Variants in AXDND1 observed in about 807,000 individuals in gnomAD.
The protein encoded by AXDND1 is axonemal dynein light chain domain containing 1.
AXDND1 carries 110 observed loss-of-function variants against 137.5 expected under a neutral mutation model. The observed-to-expected ratio is 0.80, with a 90% confidence interval of 0.69 to 0.94. The LOEUF (loss-of-function observed/expected upper bound fraction) is 0.94. Ranked by LOEUF, AXDND1 falls within the 40% of genes least tolerant of loss-of-function variation. AXDND1 has a pLI of 0.00. For synonymous variants in AXDND1, 414 were observed against 399.7 expected (o/e 1.04, Z -0.43); for missense variants, 1,191 against 1,169.8 (o/e 1.02, Z -0.26).
chr1:179,472,042 G>A (rs1048050961), intron 17 of AXDND1, among the ~76,000 whole-genome samples: 2 of 151,952 alleles, frequency 1.3e-5, no homozygotes, highest in Non-Finnish European at 2.9e-5. Context: ...TTACCGGCAT[G>A]TGCCACCACG....
chr1:179,444,901 C>A, intron 15 of AXDND1, 69 bp from the exon 16 acceptor site: 1 of 1,071,186 alleles, frequency 9.3e-7, no homozygotes, highest in Non-Finnish European at 1.4e-6. Context: ...GGGGAATAAG[C>A]ATCTGGTAGA....
intron 3 of AXDND1, 37 bp from the exon 4 acceptor site, chr1:179,369,938 C>T (rs772431046): frequency 7.4e-6 from 11 of 1,486,022 alleles, no homozygotes; most frequent in Admixed American, 3.4e-5. Flanking sequence ...TTAGATCGCC[C>T]TCTGCTGGAT....
At chr1:179,492,796 AG>A in intron 19 of AXDND1, 58 bp from the exon 20 acceptor site, 1 of 1,132,392 alleles carries the variant, frequency 8.8e-7, no homozygotes. Context: ...AGCAATAAAT[AG>A]GTTATGCTGA....
chr1:179,523,602 T>G (rs1670271124), intron 21 of AXDND1, among the ~76,000 whole-genome samples: 1 of 152,208 alleles, frequency 6.6e-6, no homozygotes, highest in Non-Finnish European at 1.5e-5. Flanking sequence ...TTGCCTATTC[T>G]GGACATGTCA....
rs769896060 is a variant in AXDND1, at chr1:179,437,578, C to A, written c.1563+5236C>A. Among the ~76,000 whole-genome samples, 9 of 152,274 alleles carry A rather than the reference C, an allele frequency of 5.9e-5. No individual in the cohort carries two copies. In the South Asian group the frequency reaches 1.5e-3, roughly 25 times the overall value. On this transcript the variant is annotated intron_variant, in intron 15 of 25. Coordinates refer to ENST00000367618, the MANE Select transcript of AXDND1 (RefSeq NM_144696.6). ...GGCCTTTGGCTCCCTACATATCCCC[C>A]TTTCTGTTTATGTATTAATTGAAAG...
rs529330085 is a variant in AXDND1 at position 179,390,965 on chromosome 1, C to A, written c.864-2938C>A. On this transcript the variant is annotated intron_variant, in intron 9 of 25. Transcript: ENST00000367618. ...GGGATTATAGGCATGCACCATGACA[C>A]CTGGCTAATTTTGTATTTTTAGTAG... 2.0e-5 allele frequency among the ~76,000 whole-genome samples: 3 copies of A among 152,118 alleles called. No individual in the cohort carries two copies. The South Asian group carries it at 6.2e-4, about 32-fold the overall frequency.
rs199703017 is a variant in AXDND1, at chr1:179,421,367, CTTTTTTTTTTTTTTTTT to C, written c.1231-8138_1231-8122del. Among the ~76,000 whole-genome samples the C allele has an allele frequency of 7.2e-4, 77 of 107,236 alleles. 1 individual carries two copies. The Middle Eastern group carries it at 0.014, about 20-fold the overall frequency. The allele number at this position is 107,236 out of a possible 152,430, so 70.4% of individuals were successfully genotyped here. ...CTTCCTTCCTTTTCTTTTTCTTTTC[CTTTTTTTTTTTTTTTTT>C]TTTTTTTTTTTTGAGACAGAGTCTT... On this transcript the variant is annotated intron_variant, in intron 12 of 25. Transcript: ENST00000367618.
At chr1:179,394,331 G>A (rs917067808) in intron 10 of AXDND1, among the ~76,000 whole-genome samples, 1 of 152,186 alleles carries the variant, frequency 6.6e-6, no homozygotes, top group African/African-American at 2.4e-5. Flanking sequence ...GCTCACACCT[G>A]TAATCCCAGC....
chr1:179,468,502 G>C lies in AXDND1; in HGVS notation c.1858G>C (p.Glu620Gln). 1.2e-6 allele frequency: 2 copies of C among 1,613,056 alleles called. No individual in the cohort carries two copies. Among genetic ancestry groups the C allele is most frequent in the Non-Finnish European group, 1.7e-6 (2 of 1,179,772 alleles). ...TCTTGACTTCTGTTCTTTCAAGTTG[G>C]AAAACCTGGAGTTTCCTGATACGCC... Reference protein sequence around the residue: ...SSLDFCSFKLENLEFPDTPLE... With the variant: ...SSLDFCSFKLQNLEFPDTPLE... The change falls in exon 17 of 26, where the codon GAA (glutamate) becomes CAA (glutamine). Residue 620 changes from glutamate (E) to glutamine (Q), a missense_variant. By Grantham distance (29) the Glu-to-Gln change is conservative. Transcript: ENST00000367618.
intron 21 of AXDND1, among the ~76,000 whole-genome samples, chr1:179,518,195 C>G (rs1669720976): frequency 6.6e-6 from 1 of 152,108 alleles, no homozygotes; most frequent in Non-Finnish European, 1.5e-5. Context: ...GGTCCTAGTT[C>G]AGTCTTTTCT....
intron 11 of AXDND1, 76 bp downstream of exon 11, chr1:179,395,278 T>C: frequency 8.9e-7 from 1 of 1,121,340 alleles, no homozygotes; most frequent in Non-Finnish European, 1.3e-6. Flanking sequence ...ATAATATATA[T>C]GATACTATAA....
chr1:179,525,570 C>A, intron 22 of AXDND1, 123 bp downstream of exon 22: 1 of 1,183,014 alleles, frequency 8.5e-7, no homozygotes, highest in Non-Finnish European at 1.1e-6. Context: ...CATCATAGCT[C>A]ACTGTAACCT....
intron 18 of AXDND1, 50 bp from the exon 19 acceptor site, chr1:179,491,488 G>A (rs1553293650): frequency 3.9e-6 from 5 of 1,269,458 alleles, no homozygotes; most frequent in Non-Finnish European, 5.6e-6. Context: ...GATTTTTACT[G>A]TTTGATTTAT....
intron 12 of AXDND1, among the ~76,000 whole-genome samples, chr1:179,415,804 G>A (rs1015054656): frequency 2.0e-5 from 3 of 151,744 alleles, no homozygotes; most frequent in Admixed American, 6.6e-5. Context: ...TCCCGGGTTC[G>A]TGCCATTCTC....
At chr1:179,428,222 A>G (rs1231104823) in intron 12 of AXDND1, among the ~76,000 whole-genome samples, 1 of 152,210 alleles carries the variant, frequency 6.6e-6, no homozygotes. Flanking sequence ...AACAGATTTG[A>G]GCTAGACATG....
chr1:179,434,223 C>CA (rs917500861), intron 15 of AXDND1, among the ~76,000 whole-genome samples: 2 of 151,624 alleles, frequency 1.3e-5, no homozygotes, highest in Admixed American at 6.6e-5. Context: ...ACCTACCAAC[C>CA]AAAAAAAGCC....
intron 10 of AXDND1, among the ~76,000 whole-genome samples, chr1:179,394,418 A>G (rs559795572): frequency 5.9e-5 from 9 of 152,052 alleles, no homozygotes; most frequent in African/African-American, 1.7e-4. Context: ...GTGAAACCCC[A>G]TCTCTACTAA....
intron 4 of AXDND1, among the ~76,000 whole-genome samples, chr1:179,372,985 C>G (rs1668197655): frequency 6.6e-6 from 1 of 152,098 alleles, no homozygotes; most frequent in South Asian, 2.1e-4. Context: ...GCCTGGCCCT[C>G]TAATTATTTT....
intron 25 of AXDND1, among the ~76,000 whole-genome samples, chr1:179,539,144 A>G (rs1324432126): frequency 8.6e-5 from 13 of 151,990 alleles, no homozygotes; most frequent in Admixed American, 3.9e-4. Flanking sequence ...TCTTTATCCA[A>G]TTTGCCAGTC....
Sources: gnomAD v4.1 joint callset for allele counts (sites outside exome capture counted in the v4.1 genomes callset) on GRCh38, gnomAD v4.1.1 for gene constraint, MANE v1.5 for transcripts, NCBI Gene and HGNC (gene_info 2026-07-23, HGNC 2026-07-21) for gene names.